The following HSF2BP variants were observed in gnomAD, a reference collection of about 807,000 sequenced individuals.
The protein encoded by HSF2BP is heat shock factor 2-binding protein.
In HSF2BP, 35 loss-of-function variants were observed where a neutral mutation model predicts 35.0. The ratio of observed to expected loss-of-function variants is 1.00; its 90% CI spans 0.76 to 1.32. HSF2BP has a LOEUF of 1.32. HSF2BP is among the 40% of genes most tolerant of loss of function. The pLI, the probability that HSF2BP is intolerant of heterozygous loss-of-function variation, is 0.00. For missense variants in HSF2BP, 326 were observed against 321.7 expected (o/e 1.01, Z -0.10); for synonymous variants, 114 against 117.4 (o/e 0.97, Z 0.18).
At chr21:43,467,481 A>C in the HSF2BP span, among the ~76,000 whole-genome samples, 2 of 116,940 alleles carry the variant, frequency 1.7e-5, no homozygotes, top group Admixed American at 1.8e-4. Context: ...TTCTTAGCCA[A>C]ATCCCTTCAT....
chr21:43,584,134 A>G (rs964835016), intron 8 of HSF2BP, among the ~76,000 whole-genome samples: 3 of 142,300 alleles, frequency 2.1e-5, no homozygotes, highest in African/African-American at 2.6e-5. Flanking sequence ...GACCTGCCGA[A>G]GGAGATGAAG....
chr21:43,598,243 C>T (rs752231538), intron 7 of HSF2BP, among the ~76,000 whole-genome samples: 8 of 151,996 alleles, frequency 5.3e-5, no homozygotes, highest in South Asian at 4.2e-4. Flanking sequence ...CTGAGAGAGA[C>T]AGACAGGCTG....
chr21:43,631,888 C>G (rs946336490), intron 5 of HSF2BP, among the ~76,000 whole-genome samples: 3 of 151,716 alleles, frequency 2.0e-5, no homozygotes, highest in African/African-American at 7.3e-5. Context: ...CGCTCCCACA[C>G]ACACACATGC....
Position 43,613,831 on chromosome 21 carries a change from C to CTT in HSF2BP, c.689_690dup (p.Val231LysfsTer3). 6.2e-7 allele frequency: 1 copy of CTT among 1,600,340 alleles called. No homozygotes were observed. The highest frequency in any genetic ancestry group is 2.2e-5 in the East Asian group (1 of 44,806). The stretch of plus-strand genomic sequence containing the variant: ...ACTTTTTAACATTATCCACCATACA[C>CTT]TTTGAGTTTGGTACACTGTCCTGGC... On this transcript the variant is annotated frameshift_variant and splice_region_variant, in exon 7 of 9. Transcript: ENST00000291560. LOFTEE classifies it high-confidence loss of function.
At chr21:43,586,516 G>T (rs1431541172) in intron 8 of HSF2BP, among the ~76,000 whole-genome samples, 1 of 152,014 alleles carries the variant, frequency 6.6e-6, no homozygotes, top group Non-Finnish European at 1.5e-5. Context: ...AAATAAAAGA[G>T]GAAAACTAGC....
the HSF2BP span, among the ~76,000 whole-genome samples, chr21:43,457,915 A>C: frequency 6.8e-5 from 1 of 14,734 alleles, no homozygotes; most frequent in Non-Finnish European, 1.2e-4. Context: ...GTGACCTCCA[A>C]GCTCCCACTG....
At chr21:43,606,845 T>G (rs925050647) in intron 7 of HSF2BP, among the ~76,000 whole-genome samples, 12 of 152,002 alleles carry the variant, frequency 7.9e-5, no homozygotes, top group African/African-American at 2.7e-4. Context: ...AGGAAAAAAA[T>G]TCGCATGAGA....
chr21:43,603,459 G>A (rs1218108824), intron 7 of HSF2BP, among the ~76,000 whole-genome samples: 1 of 152,226 alleles, frequency 6.6e-6, no homozygotes, highest in African/African-American at 2.4e-5. Flanking sequence ...GAAACAGACA[G>A]AACCCTGCCA....
intron 6 of HSF2BP, among the ~76,000 whole-genome samples, chr21:43,624,842 C>T (rs756361649): frequency 5.3e-5 from 8 of 150,822 alleles, no homozygotes; most frequent in African/African-American, 7.5e-5. Context: ...GTCTCTTTCA[C>T]ACTCTTCATT....
intron 4 of HSF2BP, among the ~76,000 whole-genome samples, chr21:43,636,894 C>CAAAAAAAAAAA (rs34578952): frequency 8.0e-5 from 9 of 112,058 alleles, no homozygotes; most frequent in East Asian, 2.6e-4. Flanking sequence ...CGTCTCAAAA[C>CAAAAAAAAAAA]AAAAAAAAAA....
intron 4 of HSF2BP, among the ~76,000 whole-genome samples, chr21:43,639,448 A>G (rs1355590569): frequency 6.6e-6 from 1 of 152,352 alleles, no homozygotes; most frequent in South Asian, 2.1e-4. Flanking sequence ...CAAACGCAAA[A>G]GTAAAAAAAG....
At chr21:43,620,055 C>T (rs991411735) in intron 6 of HSF2BP, among the ~76,000 whole-genome samples, 12 of 152,060 alleles carry the variant, frequency 7.9e-5, no homozygotes, top group Non-Finnish European at 1.0e-4. Flanking sequence ...AGGCAGCAAC[C>T]TAGCAGAAAA....
chr21:43,467,449 C>G, the HSF2BP span, among the ~76,000 whole-genome samples: 3 of 96,258 alleles, frequency 3.1e-5, no homozygotes, highest in Non-Finnish European at 6.2e-5. Context: ...TCAGGATGAC[C>G]TGCGGAAGTA....
chr21:43,649,781 C>A (rs2082758187), intron 3 of HSF2BP, among the ~76,000 whole-genome samples: 1 of 152,136 alleles, frequency 6.6e-6, no homozygotes, highest in Admixed American at 6.5e-5. Context: ...GACTGAATGG[C>A]TTTTTTATTA....
intron 8 of HSF2BP, among the ~76,000 whole-genome samples, chr21:43,576,085 G>A (rs1009222780): frequency 6.1e-5 from 9 of 146,628 alleles, no homozygotes; most frequent in East Asian, 2.0e-4. Context: ...GCAACTGCAC[G>A]CCAGCCTGGA....
rs553145778 is a variant in HSF2BP at position 43,595,487 on chromosome 21, C to T, written c.693-3159G>A. 1.6e-3 allele frequency among the ~76,000 whole-genome samples: 245 copies of T among 151,686 alleles called. 2 individuals are homozygous for T. Among genetic ancestry groups the T allele is most frequent in the African/African-American group, 5.5e-3 (226 of 41,338 alleles). ...CAGCCTGGGCAACATGGCAAGACCC[C>T]GTCTCTGCAAAAAATACAAAAACAG... On this transcript the variant is annotated intron_variant, in intron 7 of 8. Coordinates refer to ENST00000291560, the MANE Select transcript of HSF2BP (RefSeq NM_007031.2).
intron 4 of HSF2BP, among the ~76,000 whole-genome samples, chr21:43,636,834 G>A (rs944009885): frequency 4.1e-5 from 6 of 145,300 alleles, no homozygotes; most frequent in Non-Finnish European, 8.9e-5. Context: ...GGAGGCTGCA[G>A]TAAGCGGAGA....
chr21:43,586,196 T>G (rs1488144844), intron 8 of HSF2BP, among the ~76,000 whole-genome samples: 1 of 152,212 alleles, frequency 6.6e-6, no homozygotes, highest in Non-Finnish European at 1.5e-5. Context: ...TTTGCTCGAG[T>G]TCTATGCCAG....
chr21:43,506,977 TGA>T, the HSF2BP span, among the ~76,000 whole-genome samples: 1 of 98,066 alleles, frequency 1.0e-5, no homozygotes, highest in African/African-American at 3.7e-5. Flanking sequence ...TTCTGCAGGC[TGA>T]GAGACGGCGA....
Sources: allele counts gnomAD v4.1 joint callset (sites outside exome capture counted in the v4.1 genomes callset), GRCh38; gene constraint gnomAD v4.1.1; transcripts MANE v1.5; gene names NCBI Gene and HGNC (gene_info 2026-07-23, HGNC 2026-07-21).